The following EPHB2 variants were observed in gnomAD, a reference collection of about 807,000 sequenced individuals.
The protein encoded by EPHB2 is EPH receptor B2, also known as ephrin type-B receptor 2.
Under a neutral mutation model 96.4 loss-of-function variants are expected in EPHB2, and 18 were observed. The ratio of observed to expected loss-of-function variants is 0.19; its 90% CI spans 0.13 to 0.28. The LOEUF is 0.28. Among genes scored for constraint, EPHB2 ranks in the 10% least tolerant of loss-of-function variants. EPHB2 has a pLI of 1.00. For missense variants in EPHB2, 989 were observed against 1,355.4 expected, an observed-to-expected ratio of 0.73 and a Z score of 4.25; for synonymous variants, 506 against 534.1, an observed-to-expected ratio of 0.95 and a Z score of 0.72.
intron 1 of EPHB2, among the ~76,000 whole-genome samples, chr1:22,754,725 G>A (rs941647553): frequency 7.5e-6 from 1 of 133,578 alleles, no homozygotes; most frequent in Admixed American, 7.7e-5. Flanking sequence ...TGTGTGCCGT[G>A]TGTCAGGAGG....
intron 1 of EPHB2, among the ~76,000 whole-genome samples, chr1:22,722,485 A>T (rs1643489880): frequency 3.3e-5 from 5 of 152,196 alleles, no homozygotes; most frequent in Admixed American, 3.3e-4. Flanking sequence ...TCAATGACTT[A>T]CTCAAGGTTA....
At chr1:22,878,163 C>T (rs1301574881) in intron 5 of EPHB2, among the ~76,000 whole-genome samples, 2 of 152,204 alleles carry the variant, frequency 1.3e-5, no homozygotes, top group South Asian at 4.1e-4. Context: ...GATGAATTCC[C>T]AGGGAGAGGT....
At chr1:22,802,478 C>T (rs914437696) in intron 3 of EPHB2, among the ~76,000 whole-genome samples, 4 of 152,172 alleles carry the variant, frequency 2.6e-5, no homozygotes, top group African/African-American at 9.7e-5. Context: ...CCAGCCACCC[C>T]TTGGCAGGGC....
intron 3 of EPHB2, among the ~76,000 whole-genome samples, chr1:22,793,310 G>A (rs757335823): frequency 2.0e-5 from 3 of 152,104 alleles, no homozygotes; most frequent in Admixed American, 6.6e-5. Flanking sequence ...AAGGCCCTCC[G>A]TACCGTCCCT....
chr1:22,815,805 C>T (rs545208122), intron 3 of EPHB2, among the ~76,000 whole-genome samples: 5 of 152,208 alleles, frequency 3.3e-5, no homozygotes, highest in African/African-American at 1.2e-4. Context: ...GTGTGGGGGT[C>T]TGGGGCTGGA....
rs551382676 is a variant in EPHB2, at chr1:22,861,497, TAAC to T, written c.812-1531_812-1529del. On this transcript the variant is annotated intron_variant, in intron 3 of 15. Transcript: ENST00000374630. ...TCTACAAAAATAAAAATAAAATTAA[TAAC>T]AACAACAAAAGAAGTATTTACAGAG... Among the ~76,000 whole-genome samples the T allele has an allele frequency of 2.0e-5, 3 of 152,052 alleles. No individual in the cohort carries two copies. The South Asian group carries it at 6.2e-4, about 31-fold the overall frequency.
intron 3 of EPHB2, among the ~76,000 whole-genome samples, chr1:22,811,608 T>A (rs1301014276): frequency 1.3e-5 from 2 of 152,188 alleles, no homozygotes; most frequent in African/African-American, 4.8e-5. Flanking sequence ...ATATGATTCC[T>A]TGTCACCTAA....
In EPHB2 at chr1:22,909,093, T is replaced by C; in HGVS notation, c.2424T>C (p.Asp808=). The change falls in exon 13 of 16, where the codon GAT becomes GAC. Residue 808 remains aspartate (D), a synonymous_variant. Coordinates refer to ENST00000374630, the MANE Select transcript of EPHB2 (RefSeq NM_017449.5). The part of the protein sequence containing the change: ...IQYRKFTSAS[D]VWSYGIVMWE... ...ACCGGAAGTTCACCTCGGCCAGTGA[T>C]GTGTGGAGCTACGGCATTGTCATGT... is the stretch of plus-strand genomic sequence containing the variant. The C allele has an allele frequency of 1.2e-6, 2 of 1,614,108 alleles. No individual in the cohort carries two copies. The highest frequency in any genetic ancestry group is 1.1e-5 in the South Asian group (1 of 91,070).
At position 22,858,515 on chromosome 1, in the gene EPHB2, G is replaced by A. The variant is rs915090153; in HGVS notation, c.812-4522G>A. On this transcript the variant is annotated intron_variant, in intron 3 of 15. Coordinates refer to ENST00000374630, the MANE Select transcript of EPHB2 (RefSeq NM_017449.5). This position sits in a 1 kb window ranked among gnomAD's most constrained non-coding sequence, Gnocchi z 7.7. ...AGATGAGGAGACTGAGTTTCAAAGG[G>A]GAGGAGGCCTTCCCAAGCCCACACG... is the stretch of plus-strand genomic sequence containing the variant. 6.6e-6 allele frequency among the ~76,000 whole-genome samples: 1 copy of A among 152,114 alleles called. No homozygotes were observed. The highest frequency in any genetic ancestry group is 1.5e-5 in the Non-Finnish European group (1 of 68,022).
intron 1 of EPHB2, among the ~76,000 whole-genome samples, chr1:22,721,388 G>T (rs1000601510): frequency 6.6e-6 from 1 of 152,130 alleles, no homozygotes; most frequent in African/African-American, 2.4e-5. Context: ...CTGGCCTAAC[G>T]TAATACCGGG....
intron 8 of EPHB2, among the ~76,000 whole-genome samples, chr1:22,895,928 C>G (rs1255372334): frequency 6.6e-6 from 1 of 152,176 alleles, no homozygotes; most frequent in Non-Finnish European, 1.5e-5. Flanking sequence ...GAGTTCAGGC[C>G]CCCTGGCTGA....
At position 22,711,861 on chromosome 1, in the gene EPHB2, T is replaced by TA. The variant is rs1408619593; in HGVS notation, c.61+819dup. On this transcript the variant is annotated intron_variant, in intron 1 of 15. Coordinates refer to ENST00000374630, the MANE Select transcript of EPHB2 (RefSeq NM_017449.5). ...CTCTCCCCGTGGCCTCGTGTATTGG[T>TA]ACCACTCGACCCCCAGGGGGGCAAG... Among the ~76,000 whole-genome samples, 7 of 152,306 alleles carry TA rather than the reference T, an allele frequency of 4.6e-5. No homozygotes were observed. In the South Asian group the frequency reaches 1.4e-3, roughly 32 times the overall value.
At chr1:22,870,663 C>G (rs1329294447) in intron 5 of EPHB2, among the ~76,000 whole-genome samples, 1 of 152,208 alleles carries the variant, frequency 6.6e-6, no homozygotes, top group Non-Finnish European at 1.5e-5. Context: ...ATCCAGCGCC[C>G]TTGGCCATTC....
chr1:22,714,740 C>T (rs930733510), intron 1 of EPHB2, among the ~76,000 whole-genome samples: 1 of 152,190 alleles, frequency 6.6e-6, no homozygotes, highest in African/African-American at 2.4e-5. Context: ...TGGACAGTCA[C>T]AGTAAAGCCA....
At chr1:22,771,415 A>ATG (rs1234071633) in intron 1 of EPHB2, among the ~76,000 whole-genome samples, 3 of 152,228 alleles carry the variant, frequency 2.0e-5, no homozygotes, top group Non-Finnish European at 2.9e-5. Flanking sequence ...GAGAAGGAAC[A>ATG]GCACCTCGAG....
At chr1:22,717,885 T>C (rs1643334138) in intron 1 of EPHB2, among the ~76,000 whole-genome samples, 1 of 152,144 alleles carries the variant, frequency 6.6e-6, no homozygotes, top group South Asian at 2.1e-4. Flanking sequence ...CTGGCTTGTG[T>C]TTTCACCTCT....
At position 22,908,272 on chromosome 1, in the gene EPHB2, G is replaced by C. The variant is rs1639981301; in HGVS notation, c.2352+104G>C. 5 of 1,383,266 alleles carry C rather than the reference G, an allele frequency of 3.6e-6. No homozygotes were observed. The African/African-American group carries it at 4.3e-5, about 12-fold the overall frequency. The allele number at this position is 1,383,266 out of a possible 1,614,324, so 85.7% of individuals were successfully genotyped here. A position where few individuals can be genotyped will look rare whatever the true frequency, so the allele number is the denominator to read the frequency against. On this transcript the variant is annotated intron_variant, in intron 12 of 15. Transcript: ENST00000374630. The stretch of plus-strand genomic sequence containing the variant: ...TTTCACTAACGCCCAATTGGGCCAA[G>C]CACTGTCCTGGGCCCTGGAGACAGG...
rs2124102425 is a variant in EPHB2 at position 22,906,460 on chromosome 1, C to G, written c.1889-250C>G. Reference sequence around the variant, plus strand: ...TTCCCATCTCCCAGGTTCCCCTGCACCCTCACCCCCATGCCCAGCCAGGGA... The same window carrying G: ...TTCCCATCTCCCAGGTTCCCCTGCAGCCTCACCCCCATGCCCAGCCAGGGA... On this transcript the variant is annotated intron_variant, in intron 10 of 15. Transcript: ENST00000374630. This position sits in a 1 kb window ranked among gnomAD's most constrained non-coding sequence, Gnocchi z 4.8. Among the ~76,000 whole-genome samples the G allele has an allele frequency of 6.6e-6, 1 of 152,270 alleles. No homozygotes were observed. The highest frequency in any genetic ancestry group is 2.1e-4 in the South Asian group (1 of 4,828).
In EPHB2 at chr1:22,913,613, C is replaced by T. The variant is rs769697704; in HGVS notation, c.*43C>T. The T allele has an allele frequency of 7.4e-6, 12 of 1,612,160 alleles. No homozygotes were observed. The highest frequency in any genetic ancestry group is 1.6e-4 in the Middle Eastern group (1 of 6,084). On this transcript the variant is annotated 3_prime_UTR_variant, in exon 16 of 16. Transcript: ENST00000374630. This position sits in a 1 kb window ranked among gnomAD's most constrained non-coding sequence, Gnocchi z 4.1. ...TCACCTCTTCCTCCAAGCCCCGCCC[C>T]CTCTGCCCCACGTGCCGGCCCTCCT...
Sources: gnomAD v4.1 joint callset for allele counts (sites outside exome capture counted in the v4.1 genomes callset) on GRCh38, gnomAD v4.1.1 for gene constraint, Gnocchi (gnomAD v3.1) non-coding constraint, MANE v1.5 for transcripts, NCBI Gene and HGNC (gene_info 2026-07-23, HGNC 2026-07-21) for gene names.